ADAM23: variants seen among roughly 807,000 people sequenced by gnomAD.
ADAM23 encodes disintegrin and metalloproteinase domain-containing protein 23.
A neutral mutation model predicts 120.1 loss-of-function variants in ADAM23; 33 were observed. The observed-to-expected ratio is 0.27, with a 90% CI of 0.21 to 0.37. ADAM23 has a LOEUF of 0.37. Ranked by LOEUF, ADAM23 falls within the 10% of genes least tolerant of loss-of-function variation. The pLI is 1.00. For synonymous variants in ADAM23, 367 were observed against 375.2 expected (o/e 0.98, Z 0.25); for missense variants, 862 against 1,058.2 (o/e 0.81, Z 2.57).
At chr2:206,564,184 A>G (rs1372953060) in intron 13 of ADAM23, among the ~76,000 whole-genome samples, 10 of 151,976 alleles carry the variant, frequency 6.6e-5, no homozygotes, top group Admixed American at 5.9e-4. Flanking sequence ...CTCTCTCTAT[A>G]TATATACGTT....
At chr2:206,584,835 C>G (rs1698290526) in intron 18 of ADAM23, among the ~76,000 whole-genome samples, 1 of 152,202 alleles carries the variant, frequency 6.6e-6, no homozygotes, top group Admixed American at 6.5e-5. Flanking sequence ...CCCTGCTCCT[C>G]TGGCCACCTT....
intron 13 of ADAM23, among the ~76,000 whole-genome samples, chr2:206,562,697 T>G (rs1411617766): frequency 6.6e-6 from 1 of 152,186 alleles, no homozygotes; most frequent in Non-Finnish European, 1.5e-5. Flanking sequence ...CAAAGAGAGC[T>G]CATCTTTAAA....
intron 21 of ADAM23, among the ~76,000 whole-genome samples, chr2:206,590,315 A>G (rs879653893): frequency 6.6e-6 from 1 of 152,000 alleles, no homozygotes. Flanking sequence ...CCAGGCTGGT[A>G]TTGAACTCCT....
intron 22 of ADAM23, among the ~76,000 whole-genome samples, chr2:206,594,370 A>G (rs1456261476): frequency 6.6e-6 from 1 of 152,138 alleles, no homozygotes; most frequent in Admixed American, 6.5e-5. Flanking sequence ...TTTTTCTACC[A>G]TGCTACATCT....
chr2:206,565,239 AT>A (rs1697854527), intron 14 of ADAM23, among the ~76,000 whole-genome samples, 171 bp downstream of exon 14: 1 of 152,106 alleles, frequency 6.6e-6, no homozygotes, highest in African/African-American at 2.4e-5. Context: ...TTGTATTTTA[AT>A]TTTTTATTTA....
At position 206,617,839 on chromosome 2, in the gene ADAM23, C is replaced by T. The variant is rs570847047; in HGVS notation, c.*212C>T. 37 of 1,040,774 alleles carry T rather than the reference C, an allele frequency of 3.6e-5. No individual in the cohort carries two copies. Among genetic ancestry groups the T allele is most frequent in the East Asian group, 1.8e-4 (6 of 32,636 alleles). The allele number at this position is 1,040,774 out of a possible 1,614,324, so 64.5% of individuals were successfully genotyped here. Reference sequence around the variant, plus strand: ...ACACCTTTCACCACCTGTCAGTAAACGGGGGAGGGGGCAAAAGACCATGCT... The same window carrying T: ...ACACCTTTCACCACCTGTCAGTAAATGGGGGAGGGGGCAAAAGACCATGCT... On this transcript the variant is annotated 3_prime_UTR_variant, in exon 26 of 26. Transcript: ENST00000264377.
intron 4 of ADAM23, among the ~76,000 whole-genome samples, chr2:206,538,555 G>A: frequency 6.6e-6 from 1 of 152,112 alleles, no homozygotes; most frequent in East Asian, 1.9e-4. Flanking sequence ...CAGACCTGCA[G>A]GAATAGATTG....
intron 3 of ADAM23, among the ~76,000 whole-genome samples, chr2:206,488,134 C>T (rs1696055675): frequency 6.6e-6 from 1 of 152,228 alleles, no homozygotes; most frequent in Non-Finnish European, 1.5e-5. Flanking sequence ...TTTCAGTTAG[C>T]TTAAATACAG....
intron 3 of ADAM23, among the ~76,000 whole-genome samples, chr2:206,493,384 T>A (rs1338290733): frequency 6.6e-6 from 1 of 152,120 alleles, no homozygotes; most frequent in Non-Finnish European, 1.5e-5. Flanking sequence ...ATTTATTTAT[T>A]TTTTTGAGAC....
chr2:206,458,940 C>G (rs1175866855), intron 2 of ADAM23, among the ~76,000 whole-genome samples: 1 of 152,154 alleles, frequency 6.6e-6, no homozygotes, highest in Non-Finnish European at 1.5e-5. Flanking sequence ...GTAGAAATAT[C>G]AGACATAAAT....
intron 3 of ADAM23, among the ~76,000 whole-genome samples, chr2:206,523,788 CCA>C (rs1696892517): frequency 6.6e-6 from 1 of 152,088 alleles, no homozygotes; most frequent in Non-Finnish European, 1.5e-5. Flanking sequence ...GTCTGCATTA[CCA>C]CTTACAGTAA....
At chr2:206,550,492 G>A (rs962852282) in intron 9 of ADAM23, among the ~76,000 whole-genome samples, 1 of 151,176 alleles carries the variant, frequency 6.6e-6, no homozygotes, top group Non-Finnish European at 1.5e-5. Flanking sequence ...CTGCTAATAT[G>A]TTATTTTTTC....
chr2:206,571,474 C>T (rs1208970702), intron 16 of ADAM23, among the ~76,000 whole-genome samples: 1 of 150,064 alleles, frequency 6.7e-6, no homozygotes, highest in African/African-American at 2.5e-5. Context: ...GACTCCGTCT[C>T]AAAAAAACAA....
At chr2:206,504,253 A>G (rs1331436192) in intron 3 of ADAM23, among the ~76,000 whole-genome samples, 2 of 152,088 alleles carry the variant, frequency 1.3e-5, no homozygotes, top group Non-Finnish European at 2.9e-5. Flanking sequence ...AATATGCAAA[A>G]TTATTGGTTT....
intron 3 of ADAM23, among the ~76,000 whole-genome samples, chr2:206,492,538 G>C (rs933985141): frequency 6.6e-6 from 1 of 152,182 alleles, no homozygotes; most frequent in Non-Finnish European, 1.5e-5. Flanking sequence ...ATTTACTTCT[G>C]ATGGTTCTGG....
chr2:206,597,944 C>T (rs371462132), intron 24 of ADAM23, among the ~76,000 whole-genome samples: 2 of 152,310 alleles, frequency 1.3e-5, no homozygotes, highest in African/African-American at 4.8e-5. Context: ...TGTGTTAAAA[C>T]ACATTTTATG....
chr2:206,448,939 C>T (rs1234637858), intron 2 of ADAM23, among the ~76,000 whole-genome samples: 5 of 152,136 alleles, frequency 3.3e-5, no homozygotes, highest in Non-Finnish European at 7.4e-5. Flanking sequence ...TGTGGCTACC[C>T]TAGTTTATAG....
In ADAM23 at chr2:206,586,775, C is replaced by T. The variant is rs561863652; in HGVS notation, c.1738-550C>T. Among the ~76,000 whole-genome samples the T allele has an allele frequency of 1.4e-4, 22 of 152,268 alleles. No individual in the cohort carries two copies. The South Asian group carries it at 4.4e-3, about 30-fold the overall frequency. ...TAGACCTATAAAAAGAAATAACCAT[C>T]ACATCACAGACTGTTCTAGTAACAT... is the stretch of plus-strand genomic sequence containing the variant. On this transcript the variant is annotated intron_variant, in intron 18 of 25. Transcript: ENST00000264377.
At chr2:206,550,697 G>A (rs1697504359) in intron 9 of ADAM23, among the ~76,000 whole-genome samples, 1 of 151,378 alleles carries the variant, frequency 6.6e-6, no homozygotes, top group Admixed American at 6.6e-5. Context: ...CGCCTCCCGG[G>A]TTCACGCTAT....
Sources: gnomAD v4.1 joint callset for allele counts (sites outside exome capture counted in the v4.1 genomes callset) on GRCh38, gnomAD v4.1.1 for gene constraint, MANE v1.5 for transcripts, NCBI Gene and HGNC (gene_info 2026-07-23, HGNC 2026-07-21) for gene names.